ABHD12: variants seen among roughly 807,000 people sequenced by gnomAD.
ABHD12 encodes the protein lysophosphatidylserine lipase ABHD12.
Under a neutral mutation model 58.3 loss-of-function variants are expected in ABHD12, and 43 were observed. The ratio of observed to expected loss-of-function variants is 0.74; its 90% confidence interval spans 0.58 to 0.95. The LOEUF is 0.95. Among genes scored for constraint, ABHD12 ranks in the 40% least tolerant of loss-of-function variants. The probability of loss-of-function intolerance (pLI) is 0.00; values close to 1 mark genes in which losing one functional copy is unlikely to be tolerated. For missense variants in ABHD12, 539 were observed against 537.2 expected (o/e 1.00, Z -0.03); for synonymous variants, 219 against 211.2 (o/e 1.04, Z -0.32).
In ABHD12 at chr20:25,390,607, C is replaced by A; in HGVS notation, c.97G>T (p.Asp33Tyr). 3 of 1,467,874 alleles carry A rather than the reference C, an allele frequency of 2.0e-6. No individual in the cohort carries two copies. The highest frequency in any genetic ancestry group is 2.6e-5 in the South Asian group (2 of 78,128). 90.9% of individuals were successfully genotyped at this position (1,467,874 alleles called of 1,614,324 possible). A position where few individuals can be genotyped will look rare whatever the true frequency, so the allele number is the denominator to read the frequency against. ...SGSAAAALDA[D>Y]CRLKQNLRLT... is the part of the protein sequence containing the mutation. ...CGTAGGTTCTGCTTCAGGCGGCAGT[C>A]GGCGTCCAGCGCCGCGGCGGCCGAG... Residue 33 changes from aspartate (D) to tyrosine (Y), a missense_variant, in exon 1 of 13, where the codon GAC becomes TAC. Asp to Tyr is a radical substitution (Grantham distance 160, BLOSUM62 -3). Transcript: ENST00000339157.
chr20:25,390,223 A>C, intron 1 of ABHD12: 1 of 292,332 alleles, frequency 3.4e-6, no homozygotes. Context: ...CTTCCCCGGG[A>C]AAGGGTCGGG....
chr20:25,364,644 C>T (rs915766359), intron 1 of ABHD12, among the ~76,000 whole-genome samples: 8 of 152,210 alleles, frequency 5.3e-5, no homozygotes, highest in Non-Finnish European at 1.0e-4. Flanking sequence ...TAAACCATAC[C>T]TAACGGCCTA....
At chr20:25,324,351 G>A (rs1312125054) in intron 2 of ABHD12, among the ~76,000 whole-genome samples, 2 of 152,154 alleles carry the variant, frequency 1.3e-5, no homozygotes, top group Non-Finnish European at 2.9e-5. Context: ...GTGTGTGTGG[G>A]GAGAATGGGG....
At chr20:25,386,610 T>G (rs2090094502) in intron 1 of ABHD12, among the ~76,000 whole-genome samples, 1 of 152,090 alleles carries the variant, frequency 6.6e-6, no homozygotes, top group African/African-American at 2.4e-5. Context: ...CCAGGTGCGG[T>G]GGCTCACGCC....
At chr20:25,338,953 G>A in intron 2 of ABHD12, 1 of 1,230,752 alleles carries the variant, frequency 8.1e-7, no homozygotes, top group South Asian at 1.6e-5. Flanking sequence ...ATCCAGTGCT[G>A]GGGAGCAACA....
At chr20:25,308,790 G>A (rs1277460129) in intron 7 of ABHD12, among the ~76,000 whole-genome samples, 1 of 152,218 alleles carries the variant, frequency 6.6e-6, no homozygotes, top group Non-Finnish European at 1.5e-5. Flanking sequence ...GTCGGCTGGG[G>A]GTGGCCAGCG....
At chr20:25,350,504 T>G (rs1404274623) in intron 1 of ABHD12, among the ~76,000 whole-genome samples, 1 of 152,238 alleles carries the variant, frequency 6.6e-6, no homozygotes, top group Non-Finnish European at 1.5e-5. Context: ...CTCTCCTGTG[T>G]GCCGCCATGT....
rs796978391 is a variant in ABHD12 at position 25,387,589 on chromosome 20, TTA to T, written c.191+2922_191+2923del. ...GCAACATAGTGAGACTTCATCTCTA[TTA>T]AAAAAAAAAAAAAAAAATTAACCAG... On this transcript the variant is annotated intron_variant, in intron 1 of 12. Coordinates refer to ENST00000339157, the MANE Select transcript of ABHD12 (RefSeq NM_001042472.3). 1.5e-3 allele frequency among the ~76,000 whole-genome samples: 131 copies of T among 85,252 alleles called. 6 individuals carry two copies. Among genetic ancestry groups the T allele is most frequent in the East Asian group, 8.3e-3 (11 of 1,328 alleles). 55.9% of individuals were successfully genotyped at this position (85,252 alleles called of 152,430 possible).
chr20:25,330,235 C>A (rs1172575747), intron 2 of ABHD12, among the ~76,000 whole-genome samples: 1 of 152,220 alleles, frequency 6.6e-6, no homozygotes, highest in African/African-American at 2.4e-5. Flanking sequence ...CACTCCCACC[C>A]GAATACTGTG....
At chr20:25,338,245 C>T (rs1162740635) in intron 2 of ABHD12, among the ~76,000 whole-genome samples, 2 of 152,128 alleles carry the variant, frequency 1.3e-5, no homozygotes, top group Non-Finnish European at 2.9e-5. Flanking sequence ...CACCAGCTTA[C>T]CTGCTGCCTC....
At chr20:25,338,355 C>T (rs2089406910) in intron 2 of ABHD12, among the ~76,000 whole-genome samples, 1 of 152,212 alleles carries the variant, frequency 6.6e-6, no homozygotes, top group Non-Finnish European at 1.5e-5. Context: ...ACCCCAGAGC[C>T]CCTGCCTCAT....
chr20:25,364,375 T>A (rs1487262377), intron 1 of ABHD12, among the ~76,000 whole-genome samples: 1 of 152,180 alleles, frequency 6.6e-6, no homozygotes, highest in Non-Finnish European at 1.5e-5. Context: ...GGTGCCCACA[T>A]CCACATCTGG....
intron 1 of ABHD12, among the ~76,000 whole-genome samples, chr20:25,381,667 C>T (rs1163891899): frequency 6.8e-6 from 1 of 147,260 alleles, no homozygotes; most frequent in Non-Finnish European, 1.5e-5. Context: ...GAGACAAAGT[C>T]TCGCTCTGTC....
At chr20:25,313,025 C>G (rs1277396118) in intron 6 of ABHD12, among the ~76,000 whole-genome samples, 1 of 152,122 alleles carries the variant, frequency 6.6e-6, no homozygotes, top group African/African-American at 2.4e-5. Context: ...CTCTGCCCGG[C>G]TGCCCCTTCT....
At chr20:25,307,664 T>G (rs2088770154) in intron 9 of ABHD12, among the ~76,000 whole-genome samples, 1 of 152,112 alleles carries the variant, frequency 6.6e-6, no homozygotes, top group African/African-American at 2.4e-5. Context: ...CCAGCTCCAC[T>G]CCTGAACAGG....
At chr20:25,336,857 G>A (rs1294556104) in intron 2 of ABHD12, among the ~76,000 whole-genome samples, 3 of 152,136 alleles carry the variant, frequency 2.0e-5, no homozygotes, top group African/African-American at 4.8e-5. Context: ...GGAGTGGGGT[G>A]TGGGGGCCAG....
chr20:25,322,381 A>ATATATATATATTTTTTTT lies in ABHD12; in HGVS notation c.422+943_422+944insAAAAAAAATATATATATA. 7.0e-3 allele frequency among the ~76,000 whole-genome samples: 417 copies of ATATATATATATTTTTTTT among 59,164 alleles called. 10 individuals are homozygous for ATATATATATATTTTTTTT. Among genetic ancestry groups the ATATATATATATTTTTTTT allele is most frequent in the Middle Eastern group, 0.038 (4 of 104 alleles). 38.8% of individuals were successfully genotyped at this position (59,164 alleles called of 152,430 possible). A position where few individuals can be genotyped will look rare whatever the true frequency, so the allele number is the denominator to read the frequency against. ...GGAAAAGATATATATATATATATATATTTTTTTTTTTTTTTGAGACAAGAG... is the reference window on the plus strand; with the variant it reads ...GGAAAAGATATATATATATATATATATATATATATATTTTTTTTTTTTTTTTTTTTTTTGAGACAAGAG... On this transcript the variant is annotated intron_variant, in intron 3 of 12. Transcript: ENST00000339157.
intron 1 of ABHD12, among the ~76,000 whole-genome samples, chr20:25,358,384 TCC>T (rs2089696675): frequency 6.6e-6 from 1 of 152,186 alleles, no homozygotes; most frequent in African/African-American, 2.4e-5. Context: ...TTCTAAAATT[TCC>T]CTGAAGTCAT....
At chr20:25,365,190 C>T (rs931517632) in intron 1 of ABHD12, among the ~76,000 whole-genome samples, 12 of 152,222 alleles carry the variant, frequency 7.9e-5, no homozygotes, top group African/African-American at 2.9e-4. Flanking sequence ...CATATGTTTA[C>T]ATAGTTCAAA....
Sources: allele counts gnomAD v4.1 joint callset (sites outside exome capture counted in the v4.1 genomes callset), GRCh38; gene constraint gnomAD v4.1.1; transcripts MANE v1.5; gene names NCBI Gene and HGNC (gene_info 2026-07-23, HGNC 2026-07-21).